Variants in SYNC observed in about 807,000 individuals in gnomAD.
SYNC encodes syncoilin, intermediate filament protein.
In SYNC, 38 loss-of-function variants were observed where a neutral mutation model predicts 49.5. The observed-to-expected ratio is 0.77, with a 90% CI of 0.59 to 1.01. SYNC has a LOEUF of 1.01. SYNC is among the 50% of genes least tolerant of loss of function. The pLI is 0.00. For missense variants in SYNC, 579 were observed against 580.6 expected (o/e 1.00, Z 0.03); for synonymous variants, 201 against 230.8 (o/e 0.87, Z 1.17).
chr1:32,690,737 G>C lies in SYNC; in HGVS notation c.1233+4128C>G, dbSNP rs1460220014. On this transcript the variant is annotated intron_variant, in intron 2 of 4. Transcript: ENST00000409190. ...AGGCCGAGCCAGGCAGATCACCTGA[G>C]GTCAGGAGTTCAAGACCAGCTGGCT... 4.0e-5 allele frequency among the ~76,000 whole-genome samples: 6 copies of C among 151,556 alleles called. No homozygotes were observed. In the South Asian group the frequency reaches 1.0e-3, roughly 26 times the overall value.
chr1:32,687,643 G>C (rs1227935182), intron 2 of SYNC, among the ~76,000 whole-genome samples: 2 of 148,524 alleles, frequency 1.3e-5, no homozygotes, highest in Admixed American at 1.4e-4. Context: ...CTGCACTCCA[G>C]CCTGGAGACA....
At chr1:32,692,062 C>G (rs1472485285) in intron 2 of SYNC, among the ~76,000 whole-genome samples, 1 of 152,062 alleles carries the variant, frequency 6.6e-6, no homozygotes, top group Admixed American at 6.6e-5. Context: ...GAAACCCCGT[C>G]TCTATTAAAA....
chr1:32,694,633 G>A (rs1243394224), intron 2 of SYNC, among the ~76,000 whole-genome samples: 6 of 149,846 alleles, frequency 4.0e-5, no homozygotes, highest in Non-Finnish European at 7.4e-5. Flanking sequence ...TAGCCTGGGC[G>A]ACAGAGCGAG....
In SYNC at chr1:32,680,972, A is replaced by G. The variant is rs2148537884; in HGVS notation, c.*878T>C. On this transcript the variant is annotated 3_prime_UTR_variant, in exon 5 of 5. Transcript: ENST00000409190. Reference sequence around the variant, plus strand: ...GTAGAGAGAATTTAAGGCAAGATTTAAATTTGGAAAAGGTGCTTGAACCTT... The same window carrying G: ...GTAGAGAGAATTTAAGGCAAGATTTGAATTTGGAAAAGGTGCTTGAACCTT... The G allele has an allele frequency of 6.3e-6, 1 of 159,278 alleles. No individual in the cohort carries two copies. The highest frequency in any genetic ancestry group is 2.4e-5 in the African/African-American group (1 of 41,854). The allele number at this position is 159,278 out of a possible 1,614,324, so 9.9% of individuals were successfully genotyped here.
intron 1 of SYNC, among the ~76,000 whole-genome samples, chr1:32,700,781 C>T (rs541150268): frequency 2.6e-5 from 4 of 152,302 alleles, no homozygotes; most frequent in Non-Finnish European, 5.9e-5. Context: ...AGAACTCACA[C>T]AAGGTTCCAC....
intron 2 of SYNC, chr1:32,684,585 GA>G: frequency 4.4e-6 from 3 of 679,266 alleles, no homozygotes; most frequent in Non-Finnish European, 7.0e-6. Flanking sequence ...AAATGATGAC[GA>G]AAAAGGCATC....
At chr1:32,693,530 T>C (rs1418879914) in intron 2 of SYNC, among the ~76,000 whole-genome samples, 1 of 152,198 alleles carries the variant, frequency 6.6e-6, no homozygotes, top group African/African-American at 2.4e-5. Context: ...TCCAAAGGAA[T>C]CAGTGTTTCA....
At position 32,681,686 on chromosome 1, in the gene SYNC, C is replaced by A. The variant is rs925327459; in HGVS notation, c.*164G>T. The A allele has an allele frequency of 7.5e-6, 8 of 1,060,824 alleles. No homozygotes were observed. The East Asian group carries it at 7.6e-5, about 10-fold the overall frequency. 65.7% of individuals were successfully genotyped at this position (1,060,824 alleles called of 1,614,324 possible). A position where few individuals can be genotyped will look rare whatever the true frequency, so the allele number is the denominator to read the frequency against. The stretch of plus-strand genomic sequence containing the variant: ...TTCTGCCTCCGGCCAACTCTAGAAT[C>A]TTTTTAAGCAGGTCAGCCAGTATTT... On this transcript the variant is annotated 3_prime_UTR_variant, in exon 5 of 5. Transcript: ENST00000409190.
chr1:32,694,141 T>G (rs935073329), intron 2 of SYNC, among the ~76,000 whole-genome samples: 1 of 151,712 alleles, frequency 6.6e-6, no homozygotes, highest in Non-Finnish European at 1.5e-5. Context: ...GGCAGGAGGA[T>G]CGCTTGAGCC....
At position 32,680,021 on chromosome 1, in the gene SYNC, C is replaced by A. The variant is rs1649322742; in HGVS notation, c.*1829G>T. On this transcript the variant is annotated 3_prime_UTR_variant, in exon 5 of 5. Transcript: ENST00000409190. ...GCTATATCCCCAAGTTTTTCAGACT[C>A]ATTTAAGTAAAGGCTAGAGTGAGTA... is the stretch of plus-strand genomic sequence containing the variant. The A allele has an allele frequency of 1.3e-5, 15 of 1,126,510 alleles. 1 individual carries two copies. The South Asian group carries it at 4.3e-4, about 32-fold the overall frequency. The allele number at this position is 1,126,510 out of a possible 1,614,324, so 69.8% of individuals were successfully genotyped here. A position where few individuals can be genotyped will look rare whatever the true frequency, so the allele number is the denominator to read the frequency against.
At chr1:32,688,356 A>G (rs1034092224) in intron 2 of SYNC, among the ~76,000 whole-genome samples, 1 of 152,202 alleles carries the variant, frequency 6.6e-6, no homozygotes, top group Non-Finnish European at 1.5e-5. Context: ...AAAGAACTTC[A>G]AGTACATACT....
chr1:32,681,819 G>A lies in SYNC; in HGVS notation c.*31C>T, dbSNP rs1338183304. On this transcript the variant is annotated 3_prime_UTR_variant, in exon 5 of 5. Coordinates refer to ENST00000409190, the MANE Select transcript of SYNC (RefSeq NM_030786.3). Reference sequence around the variant, plus strand: ...ATCCTTTGCTAAGAAGTTTTTTGCTGTTTCCGGGTTACAGATTTGGCCATA... The same window carrying A: ...ATCCTTTGCTAAGAAGTTTTTTGCTATTTCCGGGTTACAGATTTGGCCATA... The A allele has an allele frequency of 1.9e-6, 3 of 1,614,130 alleles. No individual in the cohort carries two copies. The highest frequency in any genetic ancestry group is 1.1e-5 in the South Asian group (1 of 91,084).
chr1:32,689,801 C>T (rs1166409759), intron 2 of SYNC, among the ~76,000 whole-genome samples: 2 of 151,898 alleles, frequency 1.3e-5, no homozygotes, highest in Non-Finnish European at 2.9e-5. Context: ...ATTAGCTGGG[C>T]GTGGTGGCGT....
At position 32,699,549 on chromosome 1, in the gene SYNC, C is replaced by T. The variant is rs548939552; in HGVS notation, c.53+3059G>A. 7.2e-5 allele frequency among the ~76,000 whole-genome samples: 11 copies of T among 152,190 alleles called. No individual in the cohort carries two copies. The South Asian group carries it at 2.3e-3, about 32-fold the overall frequency. The stretch of plus-strand genomic sequence containing the variant: ...CCCTACTCCAAGACATCCTGTCTCA[C>T]TGGCACTTTTGTCCTGGTCTTCTAA... On this transcript the variant is annotated intron_variant, in intron 1 of 4. Transcript: ENST00000409190.
intron 1 of SYNC, among the ~76,000 whole-genome samples, chr1:32,697,438 C>CAA (rs113573501): frequency 8.8e-6 from 1 of 114,022 alleles, no homozygotes; most frequent in African/African-American, 3.2e-5. Flanking sequence ...AACTCCGTCT[C>CAA]AAAAAAAAAA....
chr1:32,703,536 G>A (rs1340726645), upstream of SYNC: 1 of 152,232 alleles, frequency 6.6e-6, no homozygotes, highest in Non-Finnish European at 1.5e-5. Context: ...GAAGCTGCTG[G>A]GCCCCTTCCC....
At chr1:32,689,033 G>T (rs1230919483) in intron 2 of SYNC, among the ~76,000 whole-genome samples, 2 of 151,306 alleles carry the variant, frequency 1.3e-5, no homozygotes, top group African/African-American at 4.9e-5. Flanking sequence ...CTGCCTCCCG[G>T]GTTCAAGCAA....
In SYNC at chr1:32,695,301, T is replaced by C; in HGVS notation, c.797A>G (p.Asp266Gly). The C allele has an allele frequency of 6.4e-7, 1 of 1,551,704 alleles. No individual in the cohort carries two copies. The highest frequency in any genetic ancestry group is 8.7e-7 in the Non-Finnish European group (1 of 1,147,066). Residue 266 changes from aspartate to glycine, a missense_variant, in exon 2 of 5, where the codon GAC (aspartate) becomes GGC (glycine). By Grantham distance (94) the Asp-to-Gly change is moderately conservative. Coordinates refer to ENST00000409190, the MANE Select transcript of SYNC (RefSeq NM_030786.3). The part of the protein sequence containing the change: ...YQYQLECRQQ[D>G]VAQFADFREV... The stretch of plus-strand genomic sequence containing the variant: ...CCGGAAATCGGCAAACTGAGCCACG[T>C]CCTGCTGGCGGCACTCCAGCTGGTA...
chr1:32,685,359 T>G (rs1649752373), intron 2 of SYNC: 1 of 152,186 alleles, frequency 6.6e-6, no homozygotes, highest in African/African-American at 2.4e-5. Context: ...GTCTCTGGTT[T>G]ACCTGCTAGC....
Sources: gnomAD v4.1 joint callset for allele counts (sites outside exome capture counted in the v4.1 genomes callset) on GRCh38, gnomAD v4.1.1 for gene constraint, MANE v1.5 for transcripts, NCBI Gene and HGNC (gene_info 2026-07-23, HGNC 2026-07-21) for gene names.